PTPRM: variants seen among roughly 807,000 people sequenced by gnomAD.
PTPRM encodes receptor-type tyrosine-protein phosphatase mu.
In PTPRM, 47 loss-of-function variants were observed where a neutral mutation model predicts 186.7. That is an observed-to-expected ratio of 0.25 (90% CI 0.20 to 0.32). The LOEUF is 0.32. PTPRM is among the 10% of genes least tolerant of loss of function. The pLI is 1.00. For missense variants in PTPRM, 1,494 were observed against 1,865.0 expected (o/e 0.80, Z 3.66); for synonymous variants, 668 against 674.9 (o/e 0.99, Z 0.16).
chr18:8,274,592 A>G (rs2094811630), intron 19 of PTPRM, among the ~76,000 whole-genome samples: 1 of 151,118 alleles, frequency 6.6e-6, no homozygotes, highest in African/African-American at 2.5e-5. Context: ...TGCTCTTGGA[A>G]GGCCATTTTT....
chr18:8,066,524 T>G (rs1388960304), intron 7 of PTPRM, among the ~76,000 whole-genome samples: 2 of 152,156 alleles, frequency 1.3e-5, no homozygotes, highest in African/African-American at 4.8e-5. Context: ...TATCCTATGT[T>G]GACGTGACCC....
intron 7 of PTPRM, among the ~76,000 whole-genome samples, chr18:8,067,874 CT>C (rs1350448818): frequency 1.3e-5 from 2 of 152,320 alleles, no homozygotes; most frequent in Non-Finnish European, 1.5e-5. Flanking sequence ...CCTCTCAGCA[CT>C]TTTGTCTCAA....
At chr18:8,073,444 T>C (rs952417704) in intron 8 of PTPRM, among the ~76,000 whole-genome samples, 8 of 152,368 alleles carry the variant, frequency 5.3e-5, no homozygotes, top group African/African-American at 1.9e-4. Context: ...CTTCTAATTA[T>C]GATGAACATT....
At chr18:8,201,259 T>C (rs1158978539) in intron 14 of PTPRM, among the ~76,000 whole-genome samples, 1 of 152,224 alleles carries the variant, frequency 6.6e-6, no homozygotes, top group Non-Finnish European at 1.5e-5. Context: ...GAGGTTGCAG[T>C]GAGCCAACAT....
At chr18:7,710,486 CA>C (rs1175803851) in intron 1 of PTPRM, among the ~76,000 whole-genome samples, 1 of 152,124 alleles carries the variant, frequency 6.6e-6, no homozygotes, top group Admixed American at 6.5e-5. Context: ...AGAACTGGCA[CA>C]AGACAAGATG....
chr18:8,383,798 A>G (rs1366213950), intron 29 of PTPRM, among the ~76,000 whole-genome samples: 4 of 152,240 alleles, frequency 2.6e-5, no homozygotes, highest in African/African-American at 9.6e-5. Context: ...CTTATTCCCA[A>G]TAGTGGTTAT....
At chr18:7,801,121 T>C (rs1430946425) in intron 2 of PTPRM, among the ~76,000 whole-genome samples, 1 of 152,142 alleles carries the variant, frequency 6.6e-6, no homozygotes, top group Non-Finnish European at 1.5e-5. Flanking sequence ...TTAAAAATAT[T>C]TTCTTCAATA....
intron 1 of PTPRM, among the ~76,000 whole-genome samples, chr18:7,702,595 C>T (rs1023102248): frequency 1.3e-5 from 2 of 151,966 alleles, no homozygotes; most frequent in African/African-American, 4.8e-5. Flanking sequence ...GGATATTAGC[C>T]CTTTGTCAGA....
At chr18:8,107,944 CAT>C (rs2145634366) in intron 11 of PTPRM, among the ~76,000 whole-genome samples, 1 of 152,142 alleles carries the variant, frequency 6.6e-6, no homozygotes, top group South Asian at 2.1e-4. Flanking sequence ...AATTTGGTGA[CAT>C]ATTTTTTAAA....
chr18:7,981,353 C>CACCT (rs1451679704), intron 7 of PTPRM, among the ~76,000 whole-genome samples: 1 of 152,196 alleles, frequency 6.6e-6, no homozygotes, highest in Non-Finnish European at 1.5e-5. Flanking sequence ...GCACACACAG[C>CACCT]ACCTAGCCTA....
chr18:8,247,794 A>G, intron 15 of PTPRM, 51 bp from the exon 16 acceptor site: 1 of 1,361,692 alleles, frequency 7.3e-7, no homozygotes, highest in Non-Finnish European at 1.0e-6. Context: ...TTGTGTGTTC[A>G]GAGTGTATTA....
At chr18:8,189,288 C>A (rs1477615041) in intron 14 of PTPRM, among the ~76,000 whole-genome samples, 226 of 116,360 alleles carry the variant, frequency 1.9e-3, no homozygotes, top group East Asian at 1.9e-3. Context: ...AGACTCGTCT[C>A]AAAAAAAAAA....
intron 22 of PTPRM, among the ~76,000 whole-genome samples, chr18:8,329,678 C>T (rs1364894396): frequency 4.7e-5 from 7 of 150,240 alleles, no homozygotes; most frequent in Middle Eastern, 3.4e-3. Context: ...GCACACGATC[C>T]GGAATATACC....
At chr18:8,231,793 A>G (rs1192832147) in intron 14 of PTPRM, among the ~76,000 whole-genome samples, 3 of 152,136 alleles carry the variant, frequency 2.0e-5, no homozygotes, top group Non-Finnish European at 4.4e-5. Flanking sequence ...CTATTTTTAG[A>G]GCAGTTTTTG....
At chr18:8,289,821 G>A (rs770384500) in intron 19 of PTPRM, among the ~76,000 whole-genome samples, 1 of 151,886 alleles carries the variant, frequency 6.6e-6, no homozygotes, top group Non-Finnish European at 1.5e-5. Context: ...CCAGAGATTA[G>A]CAGCTTCTTT....
intron 8 of PTPRM, among the ~76,000 whole-genome samples, chr18:8,071,114 T>C (rs2089447163): frequency 6.6e-6 from 1 of 152,126 alleles, no homozygotes; most frequent in Non-Finnish European, 1.5e-5. Flanking sequence ...TTGGTTCCTC[T>C]CAAGCAGTTG....
chr18:7,759,954 A>C (rs1273491582), intron 1 of PTPRM, among the ~76,000 whole-genome samples: 1 of 152,140 alleles, frequency 6.6e-6, no homozygotes, highest in Non-Finnish European at 1.5e-5. Context: ...TTTTGGATTG[A>C]CTGGGATAGG....
intron 19 of PTPRM, among the ~76,000 whole-genome samples, chr18:8,261,101 C>G (rs1024917766): frequency 1.3e-5 from 2 of 152,234 alleles, no homozygotes; most frequent in Non-Finnish European, 2.9e-5. Context: ...AGCCCACACA[C>G]TTTTCAGATG....
At chr18:7,905,945 C>A (rs1308666466) in intron 3 of PTPRM, among the ~76,000 whole-genome samples, 2 of 152,186 alleles carry the variant, frequency 1.3e-5, no homozygotes, top group Non-Finnish European at 2.9e-5. Context: ...TGAGGGAAAA[C>A]AACCACAATC....
Sources: gnomAD v4.1 joint callset for allele counts (sites outside exome capture counted in the v4.1 genomes callset) on GRCh38, gnomAD v4.1.1 for gene constraint, MANE v1.5 for transcripts, NCBI Gene and HGNC (gene_info 2026-07-23, HGNC 2026-07-21) for gene names.